Variants in RELCH observed in about 807,000 individuals in gnomAD.
RELCH encodes RAB11 binding and LisH domain, coiled-coil and HEAT repeat containing.
In RELCH, 41 loss-of-function variants were observed where a neutral mutation model predicts 150.3. That is an observed-to-expected ratio of 0.27 (90% CI 0.21 to 0.35). The LOEUF (loss-of-function observed/expected upper bound fraction) is 0.35. RELCH is among the 10% of genes least tolerant of loss of function. RELCH has a pLI of 1.00. For missense variants in RELCH, 1,092 were observed against 1,467.8 expected, an observed-to-expected ratio of 0.74 and a Z score of 4.18; for synonymous variants, 478 against 531.8, an observed-to-expected ratio of 0.90 and a Z score of 1.39.
At chr18:62,258,908 C>T (rs1406853592) in intron 15 of RELCH, among the ~76,000 whole-genome samples, 1 of 152,010 alleles carries the variant, frequency 6.6e-6, no homozygotes, top group Non-Finnish European at 1.5e-5. Context: ...AACTGAAATG[C>T]ACCTTCATGG....
intron 13 of RELCH, 68 bp downstream of exon 13, chr18:62,255,546 CT>C: frequency 9.0e-7 from 1 of 1,113,060 alleles, no homozygotes; most frequent in Non-Finnish European, 1.3e-6. Flanking sequence ...TTTTGAGTGT[CT>C]TATAGATTTT....
In RELCH at chr18:62,252,743, T is replaced by G; in HGVS notation, c.1813T>G (p.Cys605Gly). ...TGTAGAAGCTGAACTTTTACCACAGTGTTGGGAACAGGTAAATAACTGTAT... is the reference window on the plus strand; with the variant it reads ...TGTAGAAGCTGAACTTTTACCACAGGGTTGGGAACAGGTAAATAACTGTAT... ...TRVEAELLPQ[C>G]WEQINHKYPE... The change falls in exon 12 of 29, where the codon TGT becomes GGT. Residue 605 changes from cysteine (C) to glycine (G), a missense_variant. Transcript: ENST00000644646. The G allele has an allele frequency of 6.2e-7, 1 of 1,613,138 alleles. No individual in the cohort carries two copies.
At chr18:62,292,634 T>C (rs1668309637) in intron 27 of RELCH, among the ~76,000 whole-genome samples, 1 of 152,244 alleles carries the variant, frequency 6.6e-6, no homozygotes, top group South Asian at 2.1e-4. Flanking sequence ...AAATTCAGCA[T>C]GGCCAATCCC....
chr18:62,243,477 G>A (rs547722050), intron 10 of RELCH, among the ~76,000 whole-genome samples: 84 of 152,192 alleles, frequency 5.5e-4, no homozygotes, highest in Non-Finnish European at 1.0e-3. Context: ...GCCCAAACAG[G>A]AAGACTGAAA....
intron 1 of RELCH, among the ~76,000 whole-genome samples, chr18:62,188,640 C>T (rs989685376): frequency 6.6e-6 from 1 of 152,196 alleles, no homozygotes; most frequent in African/African-American, 2.4e-5. Context: ...ACAGGAAATC[C>T]AAGGAGCAAG....
intron 22 of RELCH, among the ~76,000 whole-genome samples, chr18:62,275,784 A>T (rs1025151268): frequency 6.6e-6 from 1 of 151,984 alleles, no homozygotes. Flanking sequence ...ATACTTTTTG[A>T]TTTACTGAGG....
chr18:62,262,093 T>A (rs1018347096), intron 16 of RELCH, among the ~76,000 whole-genome samples: 2 of 152,138 alleles, frequency 1.3e-5, no homozygotes, highest in Non-Finnish European at 2.9e-5. Context: ...ATATAATTAC[T>A]TTTTTCTACT....
intron 5 of RELCH, among the ~76,000 whole-genome samples, chr18:62,224,441 A>C (rs2041086039): frequency 6.6e-6 from 1 of 152,162 alleles, no homozygotes; most frequent in South Asian, 2.1e-4. Flanking sequence ...AGGCAAGAAA[A>C]AGTAATTCAA....
At chr18:62,220,595 A>G (rs1599885718) in intron 2 of RELCH, among the ~76,000 whole-genome samples, 1 of 151,944 alleles carries the variant, frequency 6.6e-6, no homozygotes, top group East Asian at 1.9e-4. Flanking sequence ...AAAAAATCCT[A>G]AGTTTTTCTT....
intron 15 of RELCH, among the ~76,000 whole-genome samples, chr18:62,259,876 A>G (rs1362241829): frequency 6.6e-6 from 1 of 151,872 alleles, no homozygotes; most frequent in African/African-American, 2.4e-5. Flanking sequence ...AAGAACATAT[A>G]TTGAGGAAAG....
At chr18:62,218,496 G>T (rs1282967108) in intron 2 of RELCH, among the ~76,000 whole-genome samples, 1 of 151,812 alleles carries the variant, frequency 6.6e-6, no homozygotes, top group Non-Finnish European at 1.5e-5. Flanking sequence ...TCCACCTTTG[G>T]TGTCTCCACA....
At chr18:62,288,866 A>C (rs764786154) in intron 26 of RELCH, among the ~76,000 whole-genome samples, 4 of 152,144 alleles carry the variant, frequency 2.6e-5, no homozygotes, top group Non-Finnish European at 4.4e-5. Context: ...CCTTGCAAGA[A>C]AGCAACAGTG....
chr18:62,270,987 A>G (rs1253334537), intron 20 of RELCH, among the ~76,000 whole-genome samples: 2 of 152,118 alleles, frequency 1.3e-5, no homozygotes, highest in African/African-American at 2.4e-5. Context: ...AATCCAATCT[A>G]TCATTGATGG....
intron 10 of RELCH, chr18:62,235,354 G>A (rs1599966059): frequency 6.6e-6 from 1 of 152,106 alleles, no homozygotes; most frequent in East Asian, 1.9e-4. Context: ...CTACCACACT[G>A]TTTTGATAAC....
chr18:62,272,906 G>A (rs139417069), intron 20 of RELCH, among the ~76,000 whole-genome samples: 307 of 151,716 alleles, frequency 2.0e-3, no homozygotes, highest in Middle Eastern at 0.01. Context: ...CCATTCCAGC[G>A]TTGTCCTGAT....
Position 62,263,970 on chromosome 18 carries a change from T to G in RELCH, c.2351-19T>G. On this transcript the variant is annotated intron_variant, in intron 16 of 28. Coordinates refer to ENST00000644646, the MANE Select transcript of RELCH (RefSeq NM_001346231.2). ...AATGCCAATTTCCATATGATTTATT[T>G]TGCTTCTTTTATGTGTAGTGACTAG... 1 of 1,597,808 alleles carries G rather than the reference T, an allele frequency of 6.3e-7. No individual in the cohort carries two copies. The highest frequency in any genetic ancestry group is 8.5e-7 in the Non-Finnish European group (1 of 1,173,128).
intron 25 of RELCH, among the ~76,000 whole-genome samples, chr18:62,283,799 T>TG (rs2044647417): frequency 6.6e-6 from 1 of 152,204 alleles, no homozygotes; most frequent in South Asian, 2.1e-4. Flanking sequence ...AGGCTGTAGT[T>TG]GCTCTGAGGC....
chr18:62,238,539 A>G (rs939768892), intron 10 of RELCH, among the ~76,000 whole-genome samples: 13 of 152,100 alleles, frequency 8.5e-5, no homozygotes, highest in African/African-American at 2.9e-4. Flanking sequence ...GATTACTTCA[A>G]GTAGCATTTT....
At chr18:62,275,554 A>G (rs754812202) in intron 22 of RELCH, 81 bp downstream of exon 22, 1 of 843,568 alleles carries the variant, frequency 1.2e-6, no homozygotes, top group Non-Finnish European at 2.0e-6. Context: ...TTTTTTTAAT[A>G]AAAAGGCTTT....
Sources: gnomAD v4.1 joint callset for allele counts (sites outside exome capture counted in the v4.1 genomes callset) on GRCh38, gnomAD v4.1.1 for gene constraint, MANE v1.5 for transcripts, NCBI Gene and HGNC (gene_info 2026-07-23, HGNC 2026-07-21) for gene names.